The following CREBRF variants were observed in gnomAD, a reference collection of about 807,000 sequenced individuals.
The protein encoded by CREBRF is UPF0474 protein C5orf41.
Under a neutral mutation model 66.1 loss-of-function variants are expected in CREBRF, and 5 were observed. The ratio of observed to expected loss-of-function variants is 0.08; its 90% CI spans 0.04 to 0.16. CREBRF has a LOEUF of 0.16. Among genes scored for constraint, CREBRF ranks in the 10% least tolerant of loss-of-function variants. The pLI is 1.00. For synonymous variants in CREBRF, 229 were observed against 264.4 expected, an observed-to-expected ratio of 0.87 and a Z score of 1.30; for missense variants, 531 against 744.9, an observed-to-expected ratio of 0.71 and a Z score of 3.34.
intron 5 of CREBRF, chr5:173,109,872 T>G (rs1758833027): frequency 6.5e-6 from 1 of 152,716 alleles, no homozygotes; most frequent in Non-Finnish European, 1.5e-5. Context: ...AAATGAAACA[T>G]TAAGTCCAGT....
intron 1 of CREBRF, among the ~76,000 whole-genome samples, chr5:173,056,866 C>CA (rs1757061906): frequency 6.7e-6 from 1 of 149,118 alleles, no homozygotes; most frequent in Non-Finnish European, 1.5e-5. Flanking sequence ...GTCGGCCTGT[C>CA]AGAGAAGAGA....
intron 1 of CREBRF, among the ~76,000 whole-genome samples, chr5:173,070,007 G>A (rs1008581546): frequency 9.9e-5 from 15 of 151,554 alleles, no homozygotes; most frequent in African/African-American, 3.2e-4. Context: ...CGATTCTCAT[G>A]CCTCAGCCTC....
intron 4 of CREBRF, among the ~76,000 whole-genome samples, chr5:173,106,429 CAAAA>C (rs1165920660): frequency 1.4e-5 from 2 of 142,866 alleles, no homozygotes; most frequent in African/African-American, 5.2e-5. Flanking sequence ...GACTCCATCT[CAAAA>C]AAAAAAGAAG....
rs569960483 is a variant in CREBRF, at chr5:173,086,226, C to G, written c.10-275C>G. Reference sequence around the variant, plus strand: ...CTGCATTGCTGAAATAGTTTTGTATCCACTTTAAATATTTCAAATCTGATG... The same window carrying G: ...CTGCATTGCTGAAATAGTTTTGTATGCACTTTAAATATTTCAAATCTGATG... On this transcript the variant is annotated intron_variant, in intron 2 of 8. Transcript: ENST00000296953. The G allele has an allele frequency of 4.1e-5, 31 of 748,342 alleles. No homozygotes were observed. In the African/African-American group the frequency reaches 4.8e-4, roughly 12 times the overall value. 46.4% of individuals were successfully genotyped at this position (748,342 alleles called of 1,614,324 possible). A position where few individuals can be genotyped will look rare whatever the true frequency, so the allele number is the denominator to read the frequency against.
intron 7 of CREBRF, among the ~76,000 whole-genome samples, chr5:173,122,182 A>G (rs1429742038): frequency 6.6e-6 from 1 of 150,470 alleles, no homozygotes; most frequent in Non-Finnish European, 1.5e-5. Context: ...GTTCACTGCA[A>G]CCTCCACCTC....
chr5:173,127,469 T>C (rs1007200646), intron 8 of CREBRF, among the ~76,000 whole-genome samples: 1 of 150,418 alleles, frequency 6.6e-6, no homozygotes, highest in African/African-American at 2.4e-5. Flanking sequence ...TTCTTTTTTT[T>C]TTTTTTTTGA....
intron 1 of CREBRF, among the ~76,000 whole-genome samples, chr5:173,067,797 G>A (rs377281043): frequency 1.6e-4 from 24 of 151,792 alleles, no homozygotes; most frequent in Middle Eastern, 3.4e-3. Context: ...TCAGGAGATC[G>A]AGACCATCTT....
chr5:173,080,147 C>T (rs1757895729), intron 1 of CREBRF, among the ~76,000 whole-genome samples: 1 of 151,708 alleles, frequency 6.6e-6, no homozygotes, highest in African/African-American at 2.4e-5. Context: ...ATTCATTACT[C>T]TTCTGTTGAC....
rs987647216 is a variant in CREBRF, at chr5:173,137,358, T to C, written c.*3613T>C. The C allele has an allele frequency of 6.6e-6, 1 of 152,096 alleles. No individual in the cohort carries two copies. Among genetic ancestry groups the C allele is most frequent in the Non-Finnish European group, 1.5e-5 (1 of 67,940 alleles). The allele number at this position is 152,096 out of a possible 1,614,324, so 9.4% of individuals were successfully genotyped here. On this transcript the variant is annotated 3_prime_UTR_variant, in exon 9 of 9. Transcript: ENST00000296953. ...ATTCCCTCTCTTTATAGTTATTTTATATTTGTATGAAAGACCAGTTTTGGA... is the reference window on the plus strand; with the variant it reads ...ATTCCCTCTCTTTATAGTTATTTTACATTTGTATGAAAGACCAGTTTTGGA...
intron 6 of CREBRF, among the ~76,000 whole-genome samples, chr5:173,111,823 A>G (rs1307387374): frequency 1.3e-5 from 2 of 152,236 alleles, no homozygotes; most frequent in East Asian, 1.9e-4. Flanking sequence ...CAAAGTAGCT[A>G]TATGTGCTGT....
intron 7 of CREBRF, among the ~76,000 whole-genome samples, chr5:173,120,288 T>A (rs902067204): frequency 6.6e-6 from 1 of 152,152 alleles, no homozygotes; most frequent in African/African-American, 2.4e-5. Flanking sequence ...GTTCTTTTTT[T>A]GGGGAAGATA....
intron 7 of CREBRF, among the ~76,000 whole-genome samples, chr5:173,112,644 T>C (rs1357230692): frequency 6.6e-6 from 1 of 152,164 alleles, no homozygotes; most frequent in Non-Finnish European, 1.5e-5. Context: ...TGATAATTTG[T>C]TTATTTTTTT....
Position 173,108,812 on chromosome 5 carries a change from C to T in CREBRF, c.1411C>T (p.His471Tyr). 3.1e-6 allele frequency: 5 copies of T among 1,611,594 alleles called. No homozygotes were observed. The highest frequency in any genetic ancestry group is 2.2e-5 in the South Asian group (2 of 90,316). ...PSNMYQKNGL[H>Y]HGKYAVKKSR... ...TAATATGTATCAGAAAAATGGCTTACATCATGGTAAGAGGGGATTGCAGTC... is the reference window on the plus strand; with the variant it reads ...TAATATGTATCAGAAAAATGGCTTATATCATGGTAAGAGGGGATTGCAGTC... Residue 471 changes from histidine (H) to tyrosine (Y), a missense_variant, in exon 5 of 9, where the codon CAT becomes TAT. Transcript: ENST00000296953.
rs70984946 is a variant in CREBRF, at chr5:173,129,106, CTTTTTTTTTTT to C, written c.1805-4506_1805-4496del. 9.3e-5 allele frequency among the ~76,000 whole-genome samples: 5 copies of C among 53,750 alleles called. No individual in the cohort carries two copies. In the South Asian group the frequency reaches 2.8e-3, roughly 30 times the overall value. The allele number at this position is 53,750 out of a possible 152,430, so 35.3% of individuals were successfully genotyped here. ...CTGAATCATTTTATATTAGTTACAT[CTTTTTTTTTTT>C]TTTTTTTTTTTTTTTTTGAGACGGA... On this transcript the variant is annotated intron_variant, in intron 8 of 8. Coordinates refer to ENST00000296953, the MANE Select transcript of CREBRF (RefSeq NM_153607.3).
At chr5:173,110,124 G>A (rs1758839013) in intron 5 of CREBRF, 1 of 246,890 alleles carries the variant, frequency 4.1e-6, no homozygotes, top group South Asian at 5.1e-5. Context: ...CTTGGTTTGT[G>A]TAAAATCTCC....
At chr5:173,094,420 CT>C (rs1261981104) in intron 4 of CREBRF, among the ~76,000 whole-genome samples, 1 of 152,150 alleles carries the variant, frequency 6.6e-6, no homozygotes, top group African/African-American at 2.4e-5. Flanking sequence ...CAAGAGTTCT[CT>C]TTTTTCCACA....
At chr5:173,085,401 G>A (rs1581674966) in intron 2 of CREBRF, 11 of 1,018,252 alleles carry the variant, frequency 1.1e-5, no homozygotes, top group East Asian at 4.8e-5. Context: ...ATATTGTATC[G>A]TCAAATACAT....
At chr5:173,102,651 G>A (rs1758654202) in intron 4 of CREBRF, among the ~76,000 whole-genome samples, 1 of 152,072 alleles carries the variant, frequency 6.6e-6, no homozygotes, top group African/African-American at 2.4e-5. Context: ...AACTTACCTG[G>A]CACCTGTATC....
At chr5:173,086,036 C>G (rs969537753) in intron 2 of CREBRF, 1 of 1,172,280 alleles carries the variant, frequency 8.5e-7, no homozygotes, top group African/African-American at 1.5e-5. Flanking sequence ...ATCCTTTGCC[C>G]TGCAGTATCA....
Sources: allele counts gnomAD v4.1 joint callset (sites outside exome capture counted in the v4.1 genomes callset), GRCh38; gene constraint gnomAD v4.1.1; transcripts MANE v1.5; gene names NCBI Gene and HGNC (gene_info 2026-07-23, HGNC 2026-07-21).